NBPF14: variants seen among roughly 807,000 people sequenced by gnomAD.
The protein encoded by NBPF14 is NBPF family member NBPF14.
Under a neutral mutation model 91.2 loss-of-function variants are expected in NBPF14, and 104 were observed. The observed-to-expected ratio is 1.14, with a 90% CI of 0.97 to 1.34. The LOEUF is 1.34. Among genes scored for constraint, NBPF14 ranks in the 40% most tolerant of loss-of-function variants. The pLI is 0.00. For synonymous variants in NBPF14, 294 were observed against 303.8 expected (o/e 0.97, Z 0.34); for missense variants, 908 against 783.0 (o/e 1.16, Z -1.91).
chr1:148,533,458 C>G (rs1476994241), intron 70 of NBPF14, among the ~76,000 whole-genome samples: 1 of 149,654 alleles, frequency 6.7e-6, no homozygotes, highest in Admixed American at 6.6e-5. Context: ...GAGAGAGAGA[C>G]AGAGACAGAG....
intron 14 of NBPF14, among the ~76,000 whole-genome samples, chr1:148,577,593 G>T (rs1570994372): frequency 6.7e-6 from 1 of 150,008 alleles, no homozygotes; most frequent in Non-Finnish European, 1.5e-5. Context: ...CACACACAGA[G>T]CGAGGTCAGT....
intron 36 of NBPF14, among the ~76,000 whole-genome samples, chr1:148,560,258 G>A (rs1395229362): frequency 1.3e-5 from 2 of 148,198 alleles, no homozygotes; most frequent in Admixed American, 1.3e-4. Context: ...AGGACACTCT[G>A]AGTTAGTGCC....
chr1:148,572,430 G>T lies in NBPF14; in HGVS notation c.2758+13C>A. On this transcript the variant is annotated intron_variant, in intron 21 of 70. Coordinates refer to ENST00000619423, the Ensembl canonical transcript of NBPF14. ...CAGGTGGAGGCTTATCACCTTCACA[G>T]TAAGGTACTCACTGTCCACGTCAAG... 2.1e-6 allele frequency: 1 copy of T among 475,984 alleles called. No homozygotes were observed. The highest frequency in any genetic ancestry group is 3.6e-6 in the Non-Finnish European group (1 of 281,594). 29.5% of individuals were successfully genotyped at this position (475,984 alleles called of 1,614,324 possible). A position where few individuals can be genotyped will look rare whatever the true frequency, so the allele number is the denominator to read the frequency against.
intron 7 of NBPF14, 149 bp from the exon 8 acceptor site, chr1:148,587,552 A>T (rs1210369955): frequency 2.2e-6 from 2 of 918,912 alleles, no homozygotes; most frequent in East Asian, 4.8e-5. Context: ...TTTACTCTTC[A>T]GTCTCCTGAC....
chr1:148,586,889 A>G (rs1661624758), intron 8 of NBPF14, among the ~76,000 whole-genome samples: 1 of 142,306 alleles, frequency 7.0e-6, no homozygotes, highest in Non-Finnish European at 1.6e-5. Context: ...ATGAAAGAAG[A>G]AAAGAATGAC....
chr1:148,536,586 CAGACAGAGACAGAGACAGAGACAG>C (rs1461659646), intron 66 of NBPF14, among the ~76,000 whole-genome samples, 190 bp from the exon 67 acceptor site: 7 of 67,674 alleles, frequency 1.0e-4, no homozygotes, highest in African/African-American at 5.6e-4. Flanking sequence ...AAGAGAAAGA[CAGACAGAGACAGAGACAGAGACAG>C]AGACAGAGAC....
intron 40 of NBPF14, among the ~76,000 whole-genome samples, 197 bp from the exon 41 acceptor site, chr1:148,557,059 GACACACACACAC>G (rs1227105845): frequency 2.5e-5 from 3 of 118,554 alleles, no homozygotes; most frequent in Non-Finnish European, 4.9e-5. Context: ...AAGACAGATA[GACACACACACAC>G]ACACACACAC....
At chr1:148,568,886 C>CA in intron 25 of NBPF14, among the ~76,000 whole-genome samples, 1 of 148,480 alleles carries the variant, frequency 6.7e-6, no homozygotes, top group Non-Finnish European at 1.5e-5. Context: ...ATCAAATACT[C>CA]AGATTGTTCA....
chr1:148,578,131 TCAGTGTGAGAA>T, intron 13 of NBPF14, 97 bp from the exon 14 acceptor site: 2 of 725,712 alleles, frequency 2.8e-6, no homozygotes, highest in Non-Finnish European at 5.0e-6. Flanking sequence ...ATCAGTCTTG[TCAGTGTGAGAA>T]CAGGAGACTT....
intron 69 of NBPF14, among the ~76,000 whole-genome samples, chr1:148,534,220 C>CA (rs1433347436): frequency 6.6e-6 from 1 of 151,148 alleles, no homozygotes; most frequent in Non-Finnish European, 1.5e-5. Flanking sequence ...CAAGTTTCTG[C>CA]AAACAGTTAC....
rs1305937891 is a variant in NBPF14, at chr1:148,561,784, CACACACACACACACACAA to C, written c.4275-223_4275-206del. 7.8e-4 allele frequency among the ~76,000 whole-genome samples: 92 copies of C among 118,434 alleles called. 1 individual carries two copies. Among genetic ancestry groups the C allele is most frequent in the African/African-American group, 3.1e-3 (63 of 20,260 alleles). 77.7% of individuals were successfully genotyped at this position (118,434 alleles called of 152,430 possible). The stretch of plus-strand genomic sequence containing the variant: ...AAAGAGAAAGACAGATAGACACACA[CACACACACACACACACAA>C]ACACACACACACACACAGAGAGAGA... On this transcript the variant is annotated intron_variant, in intron 34 of 70. Coordinates refer to ENST00000619423, the Ensembl canonical transcript of NBPF14.
chr1:148,539,266 G>T lies in NBPF14; in HGVS notation c.7882+144C>A. On this transcript the variant is annotated intron_variant, in intron 63 of 70. Transcript: ENST00000619423. ...GTCTAGGCTTCCAACTGAGACTACA[G>T]TTTCTTTACAACCTATATGCGCCCA... is the stretch of plus-strand genomic sequence containing the variant. 5 of 621,626 alleles carry T rather than the reference G, an allele frequency of 8.0e-6. 1 individual carries two copies. The South Asian group carries it at 8.4e-5, about 10-fold the overall frequency. 38.5% of individuals were successfully genotyped at this position (621,626 alleles called of 1,614,324 possible). A position where few individuals can be genotyped will look rare whatever the true frequency, so the allele number is the denominator to read the frequency against.
At chr1:148,533,737 C>T (rs1358107020) in intron 70 of NBPF14, 124 bp downstream of exon 70, 2 of 749,560 alleles carry the variant, frequency 2.7e-6, no homozygotes, top group Admixed American at 1.8e-5. Flanking sequence ...AAACCAACAG[C>T]AATGACAGTA....
intron 69 of NBPF14, among the ~76,000 whole-genome samples, chr1:148,534,261 T>C (rs1230907456): frequency 6.6e-6 from 1 of 151,658 alleles, no homozygotes; most frequent in Non-Finnish European, 1.5e-5. Context: ...GTAAAGCAAA[T>C]ACCCTCAATG....
intron 20 of NBPF14, among the ~76,000 whole-genome samples, 190 bp from the exon 21 acceptor site, chr1:148,572,805 C>CAGACAGAGACAG (rs1262285066): frequency 1.9e-5 from 1 of 53,026 alleles, no homozygotes; most frequent in Non-Finnish European, 3.3e-5. Context: ...AAGAGAGAGA[C>CAGACAGAGACAG]AGACAGAGAC....
At chr1:148,579,769 G>T (rs1660615817) in intron 12 of NBPF14, among the ~76,000 whole-genome samples, 1 of 152,172 alleles carries the variant, frequency 6.6e-6, no homozygotes, top group African/African-American at 2.4e-5. Context: ...TTAGACACAT[G>T]GGAGAGAATA....
At position 148,534,858 on chromosome 1, in the gene NBPF14, T is replaced by A; in HGVS notation, c.8442-2A>T. The A allele has an allele frequency of 1.1e-6, 1 of 949,422 alleles. No homozygotes were observed. The highest frequency in any genetic ancestry group is 1.7e-6 in the Non-Finnish European group (1 of 587,836). 58.8% of individuals were successfully genotyped at this position (949,422 alleles called of 1,614,324 possible). On this transcript the variant is annotated splice_acceptor_variant, in intron 68 of 70. Coordinates refer to ENST00000619423, the Ensembl canonical transcript of NBPF14. LOFTEE classifies it high-confidence loss of function. ...TCATCCAGCAGCTCCCTGCTGAGCC[T>A]GGAAAAGTAGGAAAAAGTAAAGAAT...
intron 3 of NBPF14, among the ~76,000 whole-genome samples, chr1:148,593,250 CAGG>C (rs1662792263): frequency 6.7e-6 from 1 of 148,684 alleles, no homozygotes; most frequent in South Asian, 2.2e-4. Flanking sequence ...CGCAGTCAGT[CAGG>C]AGGTGATTCT....
chr1:148,589,892 C>A (rs1420615775), intron 6 of NBPF14, among the ~76,000 whole-genome samples: 1 of 147,898 alleles, frequency 6.8e-6, no homozygotes, highest in African/African-American at 2.5e-5. Context: ...AGTAACATGC[C>A]AGCTAATTTT....
Sources: allele counts gnomAD v4.1 joint callset (sites outside exome capture counted in the v4.1 genomes callset), GRCh38; gene constraint gnomAD v4.1.1; transcripts MANE v1.5; gene names NCBI Gene and HGNC (gene_info 2026-07-23, HGNC 2026-07-21).